The following C9orf85 variants were observed in gnomAD, a reference collection of about 807,000 sequenced individuals.
C9orf85 encodes the protein chromosome 9 open reading frame 85.
C9orf85 carries 16 observed loss-of-function variants against 14.9 expected under a neutral mutation model. The observed-to-expected ratio is 1.08, with a 90% confidence interval of 0.73 to 1.63. C9orf85 has a LOEUF of 1.63. Ranked by LOEUF, C9orf85 falls within the 40% of genes most tolerant of loss-of-function variation. C9orf85 has a pLI of 0.00. For missense variants in C9orf85, 172 were observed against 186.1 expected (o/e 0.92, Z 0.44); for synonymous variants, 45 against 56.8 (o/e 0.79, Z 0.93).
chr9:71,958,451 A>G (rs1020066437), intron 2 of C9orf85, among the ~76,000 whole-genome samples: 3 of 151,664 alleles, frequency 2.0e-5, no homozygotes, highest in Middle Eastern at 3.4e-3. Context: ...TAGTAGAGAC[A>G]GGGTTTCTAC....
intron 3 of C9orf85, among the ~76,000 whole-genome samples, chr9:71,979,553 T>A (rs1823059397): frequency 6.6e-6 from 1 of 152,162 alleles, no homozygotes; most frequent in South Asian, 2.1e-4. Context: ...AGCAAACCCC[T>A]CCAATGAAAA....
intron 2 of C9orf85, among the ~76,000 whole-genome samples, chr9:71,951,085 G>A (rs1198862148): frequency 2.0e-5 from 3 of 152,152 alleles, no homozygotes; most frequent in Non-Finnish European, 4.4e-5. Context: ...GTAGCTGACA[G>A]AATATTGCAT....
chr9:71,952,301 T>C (rs1822264117), intron 2 of C9orf85, among the ~76,000 whole-genome samples: 2 of 152,248 alleles, frequency 1.3e-5, no homozygotes, highest in Non-Finnish European at 2.9e-5. Context: ...ATGGACATTG[T>C]CTGCTGTTGA....
intron 2 of C9orf85, among the ~76,000 whole-genome samples, chr9:71,950,561 A>G (rs924514696): frequency 6.6e-6 from 1 of 152,084 alleles, no homozygotes; most frequent in Non-Finnish European, 1.5e-5. Context: ...TAGTAGAGAC[A>G]GAGTTTCACC....
chr9:71,980,294 G>A (rs193045519), intron 3 of C9orf85, among the ~76,000 whole-genome samples: 16 of 152,168 alleles, frequency 1.1e-4, no homozygotes, highest in Non-Finnish European at 2.1e-4. Context: ...GATTACAGGT[G>A]TAAGCCATTA....
At position 71,923,488 on chromosome 9, in the gene C9orf85, G is replaced by A. The variant is rs115275655; in HGVS notation, c.102+11652G>A. Among the ~76,000 whole-genome samples, 1,415 of 152,192 alleles carry A rather than the reference G, an allele frequency of 9.3e-3. 21 individuals are homozygous for A. The highest frequency in any genetic ancestry group is 0.031 in the African/African-American group (1,285 of 41,524). On this transcript the variant is annotated intron_variant, in intron 1 of 3. Coordinates refer to ENST00000334731, the MANE Select transcript of C9orf85 (RefSeq NM_182505.5). ...TCTCCATGTTGGTCAGGTTGCTCTC[G>A]AACTCCTGACCTTATGTGATCTGCC...
chr9:71,961,715 T>A (rs971706199), intron 2 of C9orf85, among the ~76,000 whole-genome samples: 2 of 152,204 alleles, frequency 1.3e-5, no homozygotes, highest in African/African-American at 2.4e-5. Flanking sequence ...ATGGTCTTAC[T>A]GTCTTTAAAG....
downstream of C9orf85, among the ~76,000 whole-genome samples, chr9:71,976,700 G>T (rs2132372786): frequency 1.4e-5 from 2 of 144,872 alleles, no homozygotes; most frequent in South Asian, 2.3e-4. Flanking sequence ...GGATATTGTG[G>T]TTCATTTGGT....
chr9:71,976,692 A>T (rs1395109188), downstream of C9orf85, among the ~76,000 whole-genome samples: 1 of 148,590 alleles, frequency 6.7e-6, no homozygotes, highest in Non-Finnish European at 1.5e-5. Flanking sequence ...TATTCCTGGG[A>T]TATTGTGGTT....
At chr9:71,967,771 T>C (rs1822736495) in intron 2 of C9orf85, among the ~76,000 whole-genome samples, 1 of 146,764 alleles carries the variant, frequency 6.8e-6, no homozygotes, top group Admixed American at 6.9e-5. Context: ...TCCAATATCA[T>C]GCTGAAAAGG....
At chr9:71,912,069 G>C (rs1291480383) in intron 1 of C9orf85, 5 of 539,756 alleles carry the variant, frequency 9.3e-6, no homozygotes, top group Non-Finnish European at 1.7e-5. Context: ...ATTGCACAGA[G>C]TGAACAGGAC....
intron 2 of C9orf85, among the ~76,000 whole-genome samples, chr9:71,951,653 A>G (rs1407304347): frequency 1.3e-5 from 2 of 152,206 alleles, no homozygotes. Flanking sequence ...ATTCATATAT[A>G]TAAGAATTAG....
At chr9:71,934,770 T>C (rs7023810) in intron 1 of C9orf85, among the ~76,000 whole-genome samples, 142,996 of 152,080 alleles carry the variant, frequency 0.94, 67,773 homozygotes, top group East Asian at 1. Flanking sequence ...CCCAGGAGGC[T>C]GAGGTAGGAG....
intron 3 of C9orf85, among the ~76,000 whole-genome samples, chr9:71,981,843 T>C (rs1330590899): frequency 6.6e-6 from 1 of 152,218 alleles, no homozygotes; most frequent in Non-Finnish European, 1.5e-5. Flanking sequence ...GTCAGTTAAA[T>C]TGTATGAAAG....
At chr9:71,953,388 A>C (rs1451008666) in intron 2 of C9orf85, among the ~76,000 whole-genome samples, 1 of 152,160 alleles carries the variant, frequency 6.6e-6, no homozygotes, top group Non-Finnish European at 1.5e-5. Flanking sequence ...CAGACCTTAC[A>C]AGCTGTGTGA....
chr9:71,959,794 A>C (rs1167025701), intron 2 of C9orf85, among the ~76,000 whole-genome samples: 1 of 152,216 alleles, frequency 6.6e-6, no homozygotes, highest in Non-Finnish European at 1.5e-5. Context: ...ATTAAGAACA[A>C]AATTGTCTCT....
At chr9:71,967,713 CTTTTTTTT>C (rs55750667) in intron 2 of C9orf85, among the ~76,000 whole-genome samples, 12,364 of 94,306 alleles carry the variant, frequency 0.13, 604 homozygotes, top group Middle Eastern at 0.3. Flanking sequence ...TATGACCTTT[CTTTTTTTT>C]TTTTTTTTTT....
At chr9:71,978,074 TA>T (rs1052839978), downstream of C9orf85, among the ~76,000 whole-genome samples, 2 of 152,220 alleles carry the variant, frequency 1.3e-5, no homozygotes, top group Non-Finnish European at 2.9e-5. Flanking sequence ...ATTTTAATAG[TA>T]AACATTTATA....
At chr9:71,933,329 G>A (rs1010072675) in intron 1 of C9orf85, among the ~76,000 whole-genome samples, 9 of 152,122 alleles carry the variant, frequency 5.9e-5, no homozygotes, top group Non-Finnish European at 1.2e-4. Context: ...TCAAACTGTT[G>A]AAAACCAAAG....
Sources: gnomAD v4.1 joint callset for allele counts (sites outside exome capture counted in the v4.1 genomes callset) on GRCh38, gnomAD v4.1.1 for gene constraint, MANE v1.5 for transcripts, NCBI Gene and HGNC (gene_info 2026-07-23, HGNC 2026-07-21) for gene names.